The following DLG2 variants were observed in gnomAD, a reference collection of about 807,000 sequenced individuals.
DLG2 encodes the protein discs large MAGUK scaffold protein 2, also known as disks large homolog 2.
In DLG2, 45 loss-of-function variants were observed where a neutral mutation model predicts 132.5. The observed-to-expected ratio is 0.34, with a 90% CI of 0.27 to 0.44. DLG2 has a LOEUF of 0.44. DLG2 is among the 20% of genes least tolerant of loss of function. DLG2 has a pLI of 1.00. For missense variants in DLG2, 1,045 were observed against 1,196.9 expected, an observed-to-expected ratio of 0.87 and a Z score of 1.87; for synonymous variants, 424 against 419.6, an observed-to-expected ratio of 1.01 and a Z score of -0.13.
intron 4 of DLG2, among the ~76,000 whole-genome samples, chr11:85,265,125 T>C (rs1293525384): frequency 1.3e-5 from 2 of 152,206 alleles, no homozygotes; most frequent in African/African-American, 4.8e-5. Flanking sequence ...TTTCTTAAGA[T>C]GCCTTCTCTG....
At chr11:84,982,968 T>C (rs896292145) in intron 6 of DLG2, among the ~76,000 whole-genome samples, 3 of 152,190 alleles carry the variant, frequency 2.0e-5, no homozygotes, top group Non-Finnish European at 1.5e-5. Flanking sequence ...GATAACATTA[T>C]ATCTGATGGT....
intron 3 of DLG2, among the ~76,000 whole-genome samples, chr11:85,418,814 C>A (rs998148844): frequency 6.6e-6 from 1 of 152,118 alleles, no homozygotes; most frequent in East Asian, 1.9e-4. Context: ...TTATTTTGAG[C>A]CTGTGTGTGT....
At chr11:85,243,376 A>T (rs2152681762) in intron 4 of DLG2, among the ~76,000 whole-genome samples, 1 of 152,080 alleles carries the variant, frequency 6.6e-6, no homozygotes, top group East Asian at 1.9e-4. Flanking sequence ...TACATCCCAG[A>T]CCCATATAGC....
At chr11:84,332,868 G>A (rs967605072) in intron 7 of DLG2, among the ~76,000 whole-genome samples, 1 of 152,172 alleles carries the variant, frequency 6.6e-6, no homozygotes, top group Non-Finnish European at 1.5e-5. Flanking sequence ...ACTGTGCCAT[G>A]GCAGGCAGCC....
At chr11:84,443,600 A>G (rs1286888948) in intron 7 of DLG2, among the ~76,000 whole-genome samples, 1 of 152,220 alleles carries the variant, frequency 6.6e-6, no homozygotes, top group African/African-American at 2.4e-5. Flanking sequence ...TCCGAAACAT[A>G]ATATATAATG....
In DLG2 at chr11:85,332,347, T is replaced by C. The variant is rs575684523; in HGVS notation, c.41-46982A>G. On this transcript the variant is annotated intron_variant, in intron 3 of 27. Transcript: ENST00000376104. Reference sequence around the variant, plus strand: ...TGCTTGTTGATTTGTTCAAGTTGTTTATAGATCCTGGCTATTAGACCTCTG... The same window carrying C: ...TGCTTGTTGATTTGTTCAAGTTGTTCATAGATCCTGGCTATTAGACCTCTG... 1.4e-4 allele frequency among the ~76,000 whole-genome samples: 22 copies of C among 152,348 alleles called. No individual in the cohort carries two copies. The South Asian group carries it at 4.3e-3, about 30-fold the overall frequency.
At chr11:85,566,061 A>G (rs2077510425) in intron 3 of DLG2, among the ~76,000 whole-genome samples, 1 of 152,162 alleles carries the variant, frequency 6.6e-6, no homozygotes, top group South Asian at 2.1e-4. Context: ...GTGTGAAGTG[A>G]TATCACTTTG....
chr11:84,658,475 G>A (rs1240902916), intron 6 of DLG2, among the ~76,000 whole-genome samples: 2 of 152,038 alleles, frequency 1.3e-5, no homozygotes, highest in African/African-American at 4.8e-5. Flanking sequence ...ACTGTAGAGG[G>A]CTCCTGATAT....
intron 6 of DLG2, among the ~76,000 whole-genome samples, chr11:84,770,522 T>C (rs566699931): frequency 3.2e-3 from 484 of 152,246 alleles, no homozygotes; most frequent in Non-Finnish European, 5.9e-3. Flanking sequence ...TAAGTTCTCC[T>C]CATTAAGCTC....
At chr11:85,321,322 C>T (rs1487422393) in intron 3 of DLG2, among the ~76,000 whole-genome samples, 3 of 151,874 alleles carry the variant, frequency 2.0e-5, no homozygotes, top group Non-Finnish European at 4.4e-5. Context: ...CTATTATAAA[C>T]CTGAGATGCT....
intron 6 of DLG2, among the ~76,000 whole-genome samples, chr11:84,559,421 A>G (rs984574449): frequency 2.0e-5 from 3 of 152,176 alleles, no homozygotes; most frequent in African/African-American, 7.2e-5. Context: ...GATATAATAA[A>G]GTAATTCACT....
chr11:83,522,345 T>C (rs374045748), intron 21 of DLG2, among the ~76,000 whole-genome samples: 6 of 152,026 alleles, frequency 3.9e-5, no homozygotes, highest in African/African-American at 1.2e-4. Flanking sequence ...CAAAAGAAAG[T>C]CTTGGGATGG....
chr11:84,072,754 C>G (rs980966537), intron 10 of DLG2, among the ~76,000 whole-genome samples: 2 of 152,122 alleles, frequency 1.3e-5, no homozygotes, highest in Admixed American at 6.5e-5. Context: ...GAATAATTCT[C>G]CAGGTACAAT....
intron 19 of DLG2, among the ~76,000 whole-genome samples, chr11:83,624,152 T>C (rs908114984): frequency 1.3e-5 from 2 of 152,176 alleles, no homozygotes; most frequent in Non-Finnish European, 2.9e-5. Flanking sequence ...TAGAGGTCTG[T>C]GGCTCAGAAG....
At chr11:85,253,317 G>A (rs1459360080) in intron 4 of DLG2, among the ~76,000 whole-genome samples, 1 of 152,140 alleles carries the variant, frequency 6.6e-6, no homozygotes, top group Admixed American at 6.5e-5. Flanking sequence ...AAGTTATGAT[G>A]GTACTACTCA....
chr11:84,634,331 A>G (rs1183402521), intron 6 of DLG2, among the ~76,000 whole-genome samples: 1 of 152,196 alleles, frequency 6.6e-6, no homozygotes, highest in Non-Finnish European at 1.5e-5. Context: ...TACATAACAA[A>G]TAGTAAAATT....
intron 18 of DLG2, among the ~76,000 whole-genome samples, chr11:83,749,904 C>T (rs1453441335): frequency 1.3e-5 from 2 of 152,154 alleles, no homozygotes; most frequent in African/African-American, 2.4e-5. Flanking sequence ...TTCTCTGCTT[C>T]CTAAGAATTA....
intron 3 of DLG2, among the ~76,000 whole-genome samples, chr11:85,569,763 G>A (rs1168452114): frequency 6.6e-6 from 1 of 152,190 alleles, no homozygotes; most frequent in East Asian, 1.9e-4. Context: ...CTTATATGCT[G>A]TTGGTGGGAA....
chr11:83,508,781 C>T (rs1195825086), intron 21 of DLG2, among the ~76,000 whole-genome samples: 2 of 152,134 alleles, frequency 1.3e-5, no homozygotes, highest in Non-Finnish European at 2.9e-5. Flanking sequence ...CATAATTTTG[C>T]CCAGCCGGCA....
Sources: gnomAD v4.1 joint callset for allele counts (sites outside exome capture counted in the v4.1 genomes callset) on GRCh38, gnomAD v4.1.1 for gene constraint, MANE v1.5 for transcripts, NCBI Gene and HGNC (gene_info 2026-07-23, HGNC 2026-07-21) for gene names.